PHACTR3: variants seen among roughly 807,000 people sequenced by gnomAD.
PHACTR3 encodes phosphatase and actin regulator 3.
In PHACTR3, 16 loss-of-function variants were observed where a neutral mutation model predicts 66.8. The observed-to-expected ratio is 0.24, with a 90% CI of 0.16 to 0.36. The LOEUF (loss-of-function observed/expected upper bound fraction) is 0.36. Among genes scored for constraint, PHACTR3 ranks in the 10% least tolerant of loss-of-function variants. The pLI is 1.00. For synonymous variants in PHACTR3, 323 were observed against 292.1 expected, an observed-to-expected ratio of 1.11 and a Z score of -1.08; for missense variants, 647 against 719.9, an observed-to-expected ratio of 0.90 and a Z score of 1.16.
chr20:59,789,864 A>C (rs1037586137), intron 7 of PHACTR3, among the ~76,000 whole-genome samples: 2 of 152,164 alleles, frequency 1.3e-5, no homozygotes, highest in Non-Finnish European at 2.9e-5. Flanking sequence ...CATGCACATC[A>C]ATTCATGCAG....
intron 1 of PHACTR3, among the ~76,000 whole-genome samples, chr20:59,709,671 G>A (rs1053533475): frequency 6.6e-6 from 1 of 152,180 alleles, no homozygotes; most frequent in African/African-American, 2.4e-5. Flanking sequence ...CTACTTGGGA[G>A]TAGGAATTGT....
intron 11 of PHACTR3, 147 bp downstream of exon 11, chr20:59,841,682 C>G: frequency 1.1e-6 from 1 of 896,272 alleles, no homozygotes; most frequent in Non-Finnish European, 1.6e-6. Flanking sequence ...AAAGATAATT[C>G]AGGGTCAGAT....
At chr20:59,676,601 G>A in intron 1 of PHACTR3, 1 of 654,138 alleles carries the variant, frequency 1.5e-6, no homozygotes, top group Non-Finnish European at 1.9e-6. Context: ...TCAGGGAGCG[G>A]AGCGAGTCCC....
intron 1 of PHACTR3, among the ~76,000 whole-genome samples, chr20:59,596,923 G>A (rs2033341841): frequency 6.6e-6 from 1 of 152,358 alleles, no homozygotes; most frequent in South Asian, 2.1e-4. Flanking sequence ...ACCTCTCCAT[G>A]CTGTGATGGT....
intron 1 of PHACTR3, among the ~76,000 whole-genome samples, chr20:59,703,690 G>GGTGTGTGTGTGTGAGT (rs2037590783): frequency 6.8e-6 from 1 of 147,880 alleles, no homozygotes; most frequent in African/African-American, 2.7e-5. Flanking sequence ...ATTTCCTTGG[G>GGTGTGTGTGTGTGAGT]GTGTGTGTGT....
At chr20:59,653,222 G>A (rs550058505) in intron 1 of PHACTR3, among the ~76,000 whole-genome samples, 1 of 150,726 alleles carries the variant, frequency 6.6e-6, no homozygotes, top group South Asian at 2.1e-4. Context: ...TCTTGCTCTG[G>A]CACCCAGGCT....
chr20:59,641,513 C>T (rs1282760664), intron 1 of PHACTR3, among the ~76,000 whole-genome samples: 7 of 152,174 alleles, frequency 4.6e-5, no homozygotes, highest in East Asian at 1.9e-4. Flanking sequence ...TTTCTTATTC[C>T]GTCTTCCTGC....
chr20:59,795,918 T>C (rs1316947157), intron 7 of PHACTR3, among the ~76,000 whole-genome samples: 1 of 152,102 alleles, frequency 6.6e-6, no homozygotes, highest in Non-Finnish European at 1.5e-5. Context: ...TAAAAATCTA[T>C]TTAGCCACTC....
intron 2 of PHACTR3, among the ~76,000 whole-genome samples, chr20:59,746,762 G>GGGTTAA (rs571479908): frequency 7.9e-5 from 12 of 152,358 alleles, no homozygotes; most frequent in African/African-American, 2.9e-4. Context: ...CTGTGATCCA[G>GGGTTAA]GGTTAATGGC....
chr20:59,701,483 C>T (rs911261568), intron 1 of PHACTR3, among the ~76,000 whole-genome samples: 3 of 152,178 alleles, frequency 2.0e-5, no homozygotes, highest in Non-Finnish European at 4.4e-5. Context: ...GACAGTCTAG[C>T]TACCAGATAG....
chr20:59,616,961 G>A (rs1000212311), intron 1 of PHACTR3, among the ~76,000 whole-genome samples: 1 of 152,104 alleles, frequency 6.6e-6, no homozygotes, highest in Non-Finnish European at 1.5e-5. Context: ...TTCCCCGCTC[G>A]CTTCCCCGTT....
intron 1 of PHACTR3, among the ~76,000 whole-genome samples, chr20:59,611,602 C>T (rs1316182777): frequency 6.6e-6 from 1 of 152,172 alleles, no homozygotes; most frequent in Non-Finnish European, 1.5e-5. Flanking sequence ...GATGTGGTTC[C>T]TGCTCTGATT....
Position 59,840,358 on chromosome 20 carries a change from A to ATCTT in PHACTR3, c.1385-8_1385-5dup, listed in dbSNP as rs1250514054. 5.0e-6 allele frequency: 8 copies of ATCTT among 1,603,398 alleles called. No homozygotes were observed. Among genetic ancestry groups the ATCTT allele is most frequent in the Non-Finnish European group, 5.9e-6 (7 of 1,176,502 alleles). On this transcript the variant is annotated splice_polypyrimidine_tract_variant and intron_variant, in intron 9 of 12. Coordinates refer to ENST00000371015, the MANE Select transcript of PHACTR3 (RefSeq NM_080672.5). ...TTGTTATTTTTTTTTTCCTATTTTA[A>ATCTT]TCTTTCACAGAAAGGAATGATCAGA...
intron 4 of PHACTR3, among the ~76,000 whole-genome samples, chr20:59,761,203 G>A (rs1483156454): frequency 6.6e-6 from 1 of 152,088 alleles, no homozygotes; most frequent in African/African-American, 2.4e-5. Flanking sequence ...GGTCCTGGGA[G>A]CCAGGGAGGG....
At chr20:59,714,638 T>C (rs980189578) in intron 1 of PHACTR3, among the ~76,000 whole-genome samples, 1 of 152,238 alleles carries the variant, frequency 6.6e-6, no homozygotes, top group Non-Finnish European at 1.5e-5. Flanking sequence ...TTGTTTTTTT[T>C]CTTCAAGATC....
At chr20:59,595,267 C>T (rs1199639463) in intron 1 of PHACTR3, among the ~76,000 whole-genome samples, 1 of 152,034 alleles carries the variant, frequency 6.6e-6, no homozygotes, top group Non-Finnish European at 1.5e-5. Flanking sequence ...TCGAGACCAG[C>T]CTGTCCAATA....
In PHACTR3 at chr20:59,653,887, G is replaced by A. The variant is rs77299129; in HGVS notation, c.118+48755G>A. Among the ~76,000 whole-genome samples the A allele has an allele frequency of 6.4e-3, 972 of 152,180 alleles. 1 individual carries two copies. Among genetic ancestry groups the A allele is most frequent in the Non-Finnish European group, 9.5e-3 (649 of 67,998 alleles). ...CAGTGAAAACCCTATAGCAACGAACGCTTTCTACACCCAGATTTTGTGTAC... is the reference window on the plus strand; with the variant it reads ...CAGTGAAAACCCTATAGCAACGAACACTTTCTACACCCAGATTTTGTGTAC... On this transcript the variant is annotated intron_variant, in intron 1 of 12. Coordinates refer to ENST00000371015, the MANE Select transcript of PHACTR3 (RefSeq NM_080672.5).
At chr20:59,649,892 T>A (rs903852972) in intron 1 of PHACTR3, among the ~76,000 whole-genome samples, 3 of 152,182 alleles carry the variant, frequency 2.0e-5, no homozygotes, top group African/African-American at 7.2e-5. Context: ...GGCACATTTG[T>A]CAAAATATAG....
upstream of PHACTR3, chr20:59,603,759 T>G (rs1308291153): frequency 1.3e-5 from 2 of 152,394 alleles, no homozygotes; most frequent in East Asian, 1.9e-4. Flanking sequence ...TTGAAATGCC[T>G]CCTCCTCTGG....
Sources: allele counts gnomAD v4.1 joint callset (sites outside exome capture counted in the v4.1 genomes callset), GRCh38; gene constraint gnomAD v4.1.1; transcripts MANE v1.5; gene names NCBI Gene and HGNC (gene_info 2026-07-23, HGNC 2026-07-21).